The following RIMS2 variants were observed in gnomAD, a reference collection of about 807,000 sequenced individuals.
RIMS2 encodes the protein regulating synaptic membrane exocytosis protein 2.
A neutral mutation model predicts 174.4 loss-of-function variants in RIMS2; 59 were observed. The ratio of observed to expected loss-of-function variants is 0.34; its 90% CI spans 0.27 to 0.42. RIMS2 has a LOEUF of 0.42. Ranked by LOEUF, RIMS2 falls within the 10% of genes least tolerant of loss-of-function variation. RIMS2 has a pLI of 1.00. For synonymous variants in RIMS2, 606 were observed against 572.5 expected, an observed-to-expected ratio of 1.06 and a Z score of -0.84; for missense variants, 1,620 against 1,666.3, an observed-to-expected ratio of 0.97 and a Z score of 0.48.
Position 103,967,956 on chromosome 8 carries a change from G to A in RIMS2, c.2770+6823G>A, listed in dbSNP as rs140884388. On this transcript the variant is annotated intron_variant, in intron 15 of 23. Coordinates refer to ENST00000504942, the Ensembl canonical transcript of RIMS2. ...GCTCACTGCAGACTCCACCTCCTGGGTTCAAGCAATTCTCTCACCTCAGCC... is the reference window on the plus strand; with the variant it reads ...GCTCACTGCAGACTCCACCTCCTGGATTCAAGCAATTCTCTCACCTCAGCC... 7.5e-3 allele frequency among the ~76,000 whole-genome samples: 1,127 copies of A among 150,700 alleles called. 12 individuals carry two copies. The highest frequency in any genetic ancestry group is 0.01 in the Middle Eastern group (3 of 286).
chr8:103,878,373 T>G (rs867782830), intron 3 of RIMS2, among the ~76,000 whole-genome samples: 2 of 151,910 alleles, frequency 1.3e-5, no homozygotes, highest in South Asian at 4.1e-4. Flanking sequence ...GAATCACATG[T>G]ATTGACTTGT....
chr8:103,825,698 G>A (rs1471989616), intron 3 of RIMS2, among the ~76,000 whole-genome samples: 5 of 151,886 alleles, frequency 3.3e-5, no homozygotes, highest in African/African-American at 4.8e-5. Flanking sequence ...ATACTTTCAC[G>A]TAAGTCTTTT....
chr8:103,877,244 G>C (rs2099145802), intron 3 of RIMS2, among the ~76,000 whole-genome samples: 1 of 151,484 alleles, frequency 6.6e-6, no homozygotes, highest in South Asian at 2.1e-4. Context: ...GGCCATTCTT[G>C]CAGGAGTAAG....
At chr8:103,771,893 A>G (rs2098257631) in intron 3 of RIMS2, among the ~76,000 whole-genome samples, 1 of 152,048 alleles carries the variant, frequency 6.6e-6, no homozygotes. Context: ...ATTTGTTTCT[A>G]CATTTTTCTG....
chr8:103,727,944 T>C (rs948161302), intron 2 of RIMS2, among the ~76,000 whole-genome samples: 1 of 132,188 alleles, frequency 7.6e-6, no homozygotes, highest in Non-Finnish European at 1.6e-5. Flanking sequence ...TCCATACAAA[T>C]TTTAGTATTT....
rs180681471 is a variant in RIMS2, at chr8:103,600,529, C to T, written c.177-96557C>T. 3.3e-5 allele frequency among the ~76,000 whole-genome samples: 5 copies of T among 152,270 alleles called. No homozygotes were observed. In the East Asian group the frequency reaches 7.7e-4, roughly 24 times the overall value. On this transcript the variant is annotated intron_variant, in intron 1 of 23. Transcript: ENST00000504942. ...CAAGTGATCCGCATGCCTTGGCCTC[C>T]CAAAGTGCTGGGATTACAGGCGTGA...
At position 103,798,191 on chromosome 8, in the gene RIMS2, G is replaced by A. The variant is rs550288666; in HGVS notation, c.698+31654G>A. Among the ~76,000 whole-genome samples the A allele has an allele frequency of 2.1e-4, 32 of 152,130 alleles. No homozygotes were observed. The South Asian group carries it at 6.4e-3, about 31-fold the overall frequency. ...ATGAATTTATAATCTAATAAGTCAG[G>A]ATTAATGATATAGTTATATAAACAT... On this transcript the variant is annotated intron_variant, in intron 3 of 23. Transcript: ENST00000504942.
At chr8:103,541,652 A>G (rs1405945714) in intron 1 of RIMS2, among the ~76,000 whole-genome samples, 1 of 152,264 alleles carries the variant, frequency 6.6e-6, no homozygotes, top group African/African-American at 2.4e-5. Context: ...AGTCAGATTC[A>G]GAATACTCTA....
chr8:103,592,926 G>A (rs1389962562), intron 1 of RIMS2, among the ~76,000 whole-genome samples: 1 of 151,280 alleles, frequency 6.6e-6, no homozygotes, highest in South Asian at 2.1e-4. Context: ...TCTACATATT[G>A]GAGAATGATT....
At chr8:104,021,096 G>A (rs1047654297) in intron 19 of RIMS2, among the ~76,000 whole-genome samples, 9 of 151,992 alleles carry the variant, frequency 5.9e-5, no homozygotes, top group African/African-American at 1.9e-4. Context: ...TAAGAAATAA[G>A]TAGTTTTATG....
chr8:103,677,179 T>G (rs1250955037), intron 1 of RIMS2, among the ~76,000 whole-genome samples: 1 of 152,116 alleles, frequency 6.6e-6, no homozygotes, highest in African/African-American at 2.4e-5. Flanking sequence ...GATTCCATTT[T>G]CACATGGAAT....
intron 1 of RIMS2, among the ~76,000 whole-genome samples, chr8:103,507,058 A>T (rs1288788500): frequency 6.6e-6 from 1 of 152,154 alleles, no homozygotes; most frequent in Non-Finnish European, 1.5e-5. Context: ...TTCACATTGT[A>T]TCTAAGAACC....
At chr8:103,723,098 C>A (rs2097476271) in intron 2 of RIMS2, among the ~76,000 whole-genome samples, 2 of 152,160 alleles carry the variant, frequency 1.3e-5, no homozygotes, top group African/African-American at 4.8e-5. Flanking sequence ...GGCGACAGAG[C>A]AAGACCCTGT....
At chr8:103,508,467 A>AG (rs960047332) in intron 1 of RIMS2, among the ~76,000 whole-genome samples, 6 of 151,872 alleles carry the variant, frequency 4.0e-5, no homozygotes, top group African/African-American at 1.2e-4. Context: ...TAAAAAAAAA[A>AG]AAAAAAAAGA....
At position 104,208,167 on chromosome 8, in the gene RIMS2, ATAG is replaced by A. The variant is rs552156844; in HGVS notation, c.3335-36746_3335-36744del. 2.0e-3 allele frequency among the ~76,000 whole-genome samples: 298 copies of A among 152,334 alleles called. 1 individual carries two copies. Among genetic ancestry groups the A allele is most frequent in the African/African-American group, 7.0e-3 (291 of 41,596 alleles). On this transcript the variant is annotated intron_variant, in intron 19 of 23. Coordinates refer to ENST00000504942, the Ensembl canonical transcript of RIMS2. ...TTATGAAATATTCCTGGCCAGAGAT[ATAG>A]TACATTTCATGAGACCTTGAAAAAT...
chr8:103,582,723 G>T (rs1010095032), intron 1 of RIMS2, among the ~76,000 whole-genome samples: 6 of 152,180 alleles, frequency 3.9e-5, no homozygotes, highest in Non-Finnish European at 7.3e-5. Flanking sequence ...GGAGGGAAGA[G>T]TGGAAAGGAT....
intron 15 of RIMS2, among the ~76,000 whole-genome samples, chr8:103,963,469 A>G (rs1252808059): frequency 3.9e-5 from 6 of 152,218 alleles, no homozygotes; most frequent in African/African-American, 1.2e-4. Context: ...TAACTTATTC[A>G]GTTTTTCTAA....
chr8:103,799,432 C>G (rs982265647), intron 3 of RIMS2, among the ~76,000 whole-genome samples: 2 of 152,128 alleles, frequency 1.3e-5, no homozygotes, highest in African/African-American at 4.8e-5. Context: ...CAGTGAACAT[C>G]CTTGTACATG....
intron 19 of RIMS2, among the ~76,000 whole-genome samples, chr8:104,091,233 C>T (rs2097650881): frequency 6.6e-6 from 1 of 151,790 alleles, no homozygotes. Context: ...ATTGCCCTTA[C>T]TACTGCTAGA....
Sources: gnomAD v4.1 joint callset for allele counts (sites outside exome capture counted in the v4.1 genomes callset) on GRCh38, gnomAD v4.1.1 for gene constraint, MANE v1.5 for transcripts, NCBI Gene and HGNC (gene_info 2026-07-23, HGNC 2026-07-21) for gene names.